The following ZNF704 variants were observed in gnomAD, a reference collection of about 807,000 sequenced individuals.
ZNF704 encodes the protein glucocorticoid induced gene 1.
ZNF704 carries 10 observed loss-of-function variants against 44.7 expected under a neutral mutation model. That is an observed-to-expected ratio of 0.22 (90% CI 0.14 to 0.38). ZNF704 has a LOEUF of 0.38. Among genes scored for constraint, ZNF704 ranks in the 10% least tolerant of loss-of-function variants. The pLI, the probability that ZNF704 is intolerant of heterozygous loss-of-function variation, is 1.00. For missense variants in ZNF704, 390 were observed against 545.5 expected, an observed-to-expected ratio of 0.71 and a Z score of 2.84; for synonymous variants, 211 against 207.6, an observed-to-expected ratio of 1.02 and a Z score of -0.14.
intron 2 of ZNF704, among the ~76,000 whole-genome samples, chr8:80,812,902 G>A (rs977256591): frequency 1.1e-4 from 17 of 152,262 alleles, no homozygotes; most frequent in Non-Finnish European, 1.9e-4. Context: ...AATCTATAAT[G>A]ACAAGGGGAG....
intron 7 of ZNF704, among the ~76,000 whole-genome samples, chr8:80,643,798 G>A (rs993142826): frequency 2.6e-5 from 4 of 152,046 alleles, no homozygotes; most frequent in South Asian, 2.1e-4. Context: ...TGTCAAGTAG[G>A]GCAAGGCTCA....
intron 4 of ZNF704, among the ~76,000 whole-genome samples, chr8:80,675,467 T>G (rs961968821): frequency 1.4e-5 from 2 of 144,146 alleles, no homozygotes; most frequent in African/African-American, 5.9e-5. Context: ...ACTTAAGTTT[T>G]GTTTTGTTTT....
chr8:80,713,294 T>G (rs1470227380), intron 2 of ZNF704, among the ~76,000 whole-genome samples: 12 of 152,278 alleles, frequency 7.9e-5, no homozygotes, highest in Admixed American at 7.8e-4. Flanking sequence ...GACGTGTTAC[T>G]GAGTTTATTG....
intron 2 of ZNF704, among the ~76,000 whole-genome samples, chr8:80,813,279 A>G (rs558484224): frequency 1.3e-5 from 2 of 152,358 alleles, no homozygotes; most frequent in African/African-American, 4.8e-5. Flanking sequence ...CTTTGTTGAT[A>G]CAGAGAGCAT....
chr8:80,782,791 T>C (rs969272030), intron 2 of ZNF704, among the ~76,000 whole-genome samples: 1 of 152,132 alleles, frequency 6.6e-6, no homozygotes, highest in Non-Finnish European at 1.5e-5. Context: ...ACCAGGATGC[T>C]TCCCACCCTC....
chr8:80,648,163 G>C lies in ZNF704; in HGVS notation c.1033-5034C>G, dbSNP rs1343410769. Reference sequence around the variant, plus strand: ...CCTCTGGACCCCATCACCTCTTAAGGGTTCCACCTCTCAACACTGCTGCAC... The same window carrying C: ...CCTCTGGACCCCATCACCTCTTAAGCGTTCCACCTCTCAACACTGCTGCAC... On this transcript the variant is annotated intron_variant, in intron 7 of 8. Coordinates refer to ENST00000327835, the MANE Select transcript of ZNF704 (RefSeq NM_001033723.3). Among the ~76,000 whole-genome samples the C allele has an allele frequency of 8.6e-5, 13 of 152,046 alleles. 1 individual carries two copies. The highest frequency in any genetic ancestry group is 7.9e-4 in the Admixed American group (12 of 15,248).
At chr8:80,807,530 G>A (rs981609252) in intron 2 of ZNF704, among the ~76,000 whole-genome samples, 1 of 149,480 alleles carries the variant, frequency 6.7e-6, no homozygotes, top group African/African-American at 2.6e-5. Flanking sequence ...ATTTCTAATT[G>A]ACCCCCCCCA....
At chr8:80,683,683 G>A (rs1585950143) in intron 4 of ZNF704, among the ~76,000 whole-genome samples, 1 of 152,204 alleles carries the variant, frequency 6.6e-6, no homozygotes, top group East Asian at 1.9e-4. Context: ...AGATTTGGGG[G>A]ATGATGAAAT....
At chr8:80,759,922 T>TA (rs1022962061) in intron 2 of ZNF704, among the ~76,000 whole-genome samples, 5 of 152,074 alleles carry the variant, frequency 3.3e-5, no homozygotes, top group African/African-American at 7.2e-5. Flanking sequence ...CCCAGCTAAT[T>TA]AAAAAAATAC....
intron 1 of ZNF704, among the ~76,000 whole-genome samples, chr8:80,827,996 C>T (rs1808408147): frequency 6.6e-6 from 1 of 152,186 alleles, no homozygotes; most frequent in East Asian, 1.9e-4. Flanking sequence ...CAATACGATT[C>T]AGGACATAGG....
Position 80,728,645 on chromosome 8 carries a change from TAAC to T in ZNF704, c.222-35541_222-35539del, listed in dbSNP as rs1806524942. Among the ~76,000 whole-genome samples the T allele has an allele frequency of 3.9e-5, 6 of 152,294 alleles. No homozygotes were observed. In the South Asian group the frequency reaches 1.2e-3, roughly 32 times the overall value. On this transcript the variant is annotated intron_variant, in intron 2 of 8. Coordinates refer to ENST00000327835, the MANE Select transcript of ZNF704 (RefSeq NM_001033723.3). ...GGTGACAAAAACCAAAGAAGTGAAGTAACTTGTTTAAAGGCACAGAGTAATTGG... is the reference window on the plus strand; with the variant it reads ...GGTGACAAAAACCAAAGAAGTGAAGTTTGTTTAAAGGCACAGAGTAATTGG...
chr8:80,743,217 T>A lies in ZNF704; in HGVS notation c.222-50110A>T, dbSNP rs1249257924. On this transcript the variant is annotated intron_variant, in intron 2 of 8. Coordinates refer to ENST00000327835, the MANE Select transcript of ZNF704 (RefSeq NM_001033723.3). ...AAAAAAAAAAAAAAAAAAAAAAAAA[T>A]CTCCTATTAAAATAAAAAAAAAACA... Among the ~76,000 whole-genome samples, 743 of 98,530 alleles carry A rather than the reference T, an allele frequency of 7.5e-3. 8 individuals carry two copies. Among genetic ancestry groups the A allele is most frequent in the African/African-American group, 0.029 (643 of 22,390 alleles). The allele number at this position is 98,530 out of a possible 152,430, so 64.6% of individuals were successfully genotyped here. A position where few individuals can be genotyped will look rare whatever the true frequency, so the allele number is the denominator to read the frequency against.
At position 80,687,423 on chromosome 8, in the gene ZNF704, C is replaced by T. The variant is rs1379592675; in HGVS notation, c.361G>A (p.Val121Met). 4 of 1,591,096 alleles carry T rather than the reference C, an allele frequency of 2.5e-6. No individual in the cohort carries two copies. Among genetic ancestry groups the T allele is most frequent in the Non-Finnish European group, 2.6e-6 (3 of 1,170,372 alleles). ...LSGSWKEGGC[V>M]PSSTSSSGYW... ...CCGCTGCTGCTGGTGCTGGAAGGCA[C>T]GCAGCCGCCCTCCTTCCAGGATCCG... The change falls in exon 4 of 9, where the codon GTG becomes ATG. Residue 121 changes from valine to methionine, a missense_variant. This residue lies in a region of ZNF704 where 305 missense variants were observed against 435.7 expected (regional missense o/e 0.70). Transcript: ENST00000327835.
intron 1 of ZNF704, among the ~76,000 whole-genome samples, chr8:80,850,702 T>C (rs1272361095): frequency 3.3e-5 from 5 of 152,190 alleles, no homozygotes; most frequent in Admixed American, 3.3e-4. Flanking sequence ...CTTTACAGAC[T>C]CCCCTAAGTA....
intron 1 of ZNF704, among the ~76,000 whole-genome samples, chr8:80,857,923 T>C (rs1808991303): frequency 6.6e-6 from 1 of 152,160 alleles, no homozygotes; most frequent in Admixed American, 6.5e-5. Context: ...AATCATGGGA[T>C]ATTTCTTTAA....
intron 3 of ZNF704, among the ~76,000 whole-genome samples, chr8:80,692,145 T>C (rs1563520700): frequency 6.6e-6 from 1 of 152,186 alleles, no homozygotes; most frequent in Non-Finnish European, 1.5e-5. Flanking sequence ...CCCCTCCTGA[T>C]AGGTCTCCCA....
At chr8:80,700,556 T>G (rs1344186022) in intron 2 of ZNF704, among the ~76,000 whole-genome samples, 1 of 152,226 alleles carries the variant, frequency 6.6e-6, no homozygotes, top group Non-Finnish European at 1.5e-5. Context: ...CAGTGAACGA[T>G]TCTCAGGTTA....
chr8:80,744,968 T>G (rs966925882), intron 2 of ZNF704, among the ~76,000 whole-genome samples: 2 of 152,322 alleles, frequency 1.3e-5, no homozygotes, highest in African/African-American at 4.8e-5. Context: ...GACACTTGTA[T>G]GCATTAAAAA....
chr8:80,641,570 A>G lies in ZNF704; in HGVS notation c.1128-93T>C, dbSNP rs78833157. The G allele has an allele frequency of 4.2e-3, 511 of 122,776 alleles. 1 individual carries two copies. The highest frequency in any genetic ancestry group is 0.037 in the African/African-American group (429 of 11,724). The allele number at this position is 122,776 out of a possible 1,614,324, so 7.6% of individuals were successfully genotyped here. A position where few individuals can be genotyped will look rare whatever the true frequency, so the allele number is the denominator to read the frequency against. On this transcript the variant is annotated intron_variant, in intron 8 of 8. Transcript: ENST00000327835. ...AAATCCCTTGCAAGAGTGAGGGAGGAAAAAAAAAAAAAAAAGGCTGGCCAT... is the reference window on the plus strand; with the variant it reads ...AAATCCCTTGCAAGAGTGAGGGAGGGAAAAAAAAAAAAAAAGGCTGGCCAT...
Sources: allele counts gnomAD v4.1 joint callset (sites outside exome capture counted in the v4.1 genomes callset), GRCh38; gene constraint gnomAD v4.1.1; regional missense constraint gnomAD v4.1.1; transcripts MANE v1.5; gene names NCBI Gene and HGNC (gene_info 2026-07-23, HGNC 2026-07-21).